EDIL3: variants seen among roughly 807,000 people sequenced by gnomAD.
The protein encoded by EDIL3 is EGF like and discoidin domains 3.
A neutral mutation model predicts 67.4 loss-of-function variants in EDIL3; 37 were observed. That is an observed-to-expected ratio of 0.55 (90% CI 0.42 to 0.72). The LOEUF (loss-of-function observed/expected upper bound fraction) is 0.72. Ranked by LOEUF, EDIL3 falls within the 30% of genes least tolerant of loss-of-function variation. EDIL3 has a pLI of 0.00. For synonymous variants in EDIL3, 195 were observed against 196.3 expected, an observed-to-expected ratio of 0.99 and a Z score of 0.05; for missense variants, 527 against 586.3, an observed-to-expected ratio of 0.90 and a Z score of 1.04.
Position 84,086,901 on chromosome 5 carries a change from C to G in EDIL3, c.651+19748G>C, listed in dbSNP as rs945275198. Among the ~76,000 whole-genome samples, 3 of 152,028 alleles carry G rather than the reference C, an allele frequency of 2.0e-5. No individual in the cohort carries two copies. The East Asian group carries it at 5.8e-4, about 29-fold the overall frequency. On this transcript the variant is annotated intron_variant, in intron 6 of 10. Coordinates refer to ENST00000296591, the MANE Select transcript of EDIL3 (RefSeq NM_005711.5). ...CTGATCCCACGGTCCAAGATGGCAG[C>G]CTCTGAGTTCCTGGAAGGATGGAGG...
At chr5:83,982,281 T>A (rs1168593284) in intron 9 of EDIL3, among the ~76,000 whole-genome samples, 2 of 152,132 alleles carry the variant, frequency 1.3e-5, no homozygotes, top group African/African-American at 4.8e-5. Flanking sequence ...TTGCTCTTAT[T>A]TTTCCATTAC....
At chr5:84,242,080 A>AG (rs1290570030) in intron 2 of EDIL3, among the ~76,000 whole-genome samples, 23 of 151,018 alleles carry the variant, frequency 1.5e-4, no homozygotes, top group African/African-American at 5.4e-4. Flanking sequence ...AAAAAAAAAA[A>AG]AATTAGCCAG....
At chr5:84,193,774 G>A (rs148457203) in intron 3 of EDIL3, among the ~76,000 whole-genome samples, 1 of 151,910 alleles carries the variant, frequency 6.6e-6, no homozygotes, top group African/African-American at 2.4e-5. Context: ...CATTTGGAAT[G>A]ATGTTATGCT....
Position 83,943,360 on chromosome 5 carries a change from C to G in EDIL3, c.*59G>C. ...AGTTTCCTACAGATTTTGCACAGTT[C>G]ATTCCATGGAGATACTTTTAGGGAA... On this transcript the variant is annotated 3_prime_UTR_variant, in exon 11 of 11. Transcript: ENST00000296591. 6.3e-7 allele frequency: 1 copy of G among 1,591,392 alleles called. No homozygotes were observed. The highest frequency in any genetic ancestry group is 2.3e-5 in the East Asian group (1 of 43,956).
At chr5:84,093,483 G>A (rs1747204447) in intron 6 of EDIL3, among the ~76,000 whole-genome samples, 1 of 152,090 alleles carries the variant, frequency 6.6e-6, no homozygotes, top group Non-Finnish European at 1.5e-5. Context: ...AGGGAATGAT[G>A]GGGCTGAATC....
intron 1 of EDIL3, among the ~76,000 whole-genome samples, chr5:84,262,308 A>G (rs556993801): frequency 1.7e-4 from 26 of 152,272 alleles, no homozygotes; most frequent in African/African-American, 5.8e-4. Flanking sequence ...ATTCAAGAAG[A>G]AGGAGAAAGG....
At chr5:83,991,481 T>G (rs1031717542) in intron 9 of EDIL3, among the ~76,000 whole-genome samples, 1 of 152,188 alleles carries the variant, frequency 6.6e-6, no homozygotes, top group Non-Finnish European at 1.5e-5. Context: ...ATCACACCTC[T>G]TACTTTCTCA....
chr5:84,191,419 G>T (rs1267532943), intron 3 of EDIL3, among the ~76,000 whole-genome samples: 1 of 152,076 alleles, frequency 6.6e-6, no homozygotes, highest in African/African-American at 2.4e-5. Context: ...AGACTTCACA[G>T]CTGAGAACAT....
intron 4 of EDIL3, among the ~76,000 whole-genome samples, chr5:84,159,258 C>A (rs551476117): frequency 6.6e-6 from 1 of 152,162 alleles, no homozygotes; most frequent in Non-Finnish European, 1.5e-5. Flanking sequence ...TAGGTCACTA[C>A]ATGAAAGCCA....
chr5:84,340,399 A>C (rs1326689059), intron 1 of EDIL3, among the ~76,000 whole-genome samples: 3 of 151,324 alleles, frequency 2.0e-5, no homozygotes, highest in Non-Finnish European at 2.9e-5. Flanking sequence ...TTTGGAGGAT[A>C]TGAGGTTTAA....
At chr5:84,255,913 A>C (rs1370607094) in intron 1 of EDIL3, among the ~76,000 whole-genome samples, 1 of 152,188 alleles carries the variant, frequency 6.6e-6, no homozygotes, top group Non-Finnish European at 1.5e-5. Flanking sequence ...AATATGTTAG[A>C]TCAGGGAGGA....
In EDIL3 at chr5:83,970,684, T is replaced by TATATATAG. The variant is rs1491469489; in HGVS notation, c.1138-7325_1138-7324insCTATATAT. Among the ~76,000 whole-genome samples, 9 of 131,498 alleles carry TATATATAG rather than the reference T, an allele frequency of 6.8e-5. 1 individual carries two copies. The highest frequency in any genetic ancestry group is 2.5e-4 in the African/African-American group (9 of 36,274). 86.3% of individuals were successfully genotyped at this position (131,498 alleles called of 152,430 possible). A position where few individuals can be genotyped will look rare whatever the true frequency, so the allele number is the denominator to read the frequency against. ...ATATATATATATATATATATATATA[T>TATATATAG]TTAAGAACATAATTTTTTCAACACT... On this transcript the variant is annotated intron_variant, in intron 9 of 10. Transcript: ENST00000296591.
chr5:84,315,531 T>C (rs558448012), intron 1 of EDIL3, among the ~76,000 whole-genome samples: 5 of 152,326 alleles, frequency 3.3e-5, no homozygotes, highest in African/African-American at 9.6e-5. Context: ...TTTTAGCGTA[T>C]CAGTGAAACT....
At chr5:84,068,173 TAG>T (rs1463999922) in intron 6 of EDIL3, among the ~76,000 whole-genome samples, 4 of 152,238 alleles carry the variant, frequency 2.6e-5, no homozygotes, top group Non-Finnish European at 5.9e-5. Context: ...TTCAGTATGT[TAG>T]GTCAATTAGC....
At chr5:84,192,674 T>C (rs907842133) in intron 3 of EDIL3, among the ~76,000 whole-genome samples, 3 of 152,058 alleles carry the variant, frequency 2.0e-5, no homozygotes, top group African/African-American at 7.2e-5. Flanking sequence ...AGAGCTTCTA[T>C]TGTGTTCCAC....
intron 3 of EDIL3, among the ~76,000 whole-genome samples, chr5:84,217,761 CACAT>C (rs1184330198): frequency 6.6e-4 from 99 of 150,290 alleles, no homozygotes; most frequent in African/African-American, 2.0e-3. Flanking sequence ...CACACACACA[CACAT>C]CCTTCTGGTT....
chr5:84,121,547 AT>A, intron 5 of EDIL3, among the ~76,000 whole-genome samples: 1 of 62,108 alleles, frequency 1.6e-5, no homozygotes, highest in South Asian at 5.8e-4. Flanking sequence ...CGATCTATCT[AT>A]CTATCTATCT....
chr5:84,247,087 A>C (rs1168453443), intron 2 of EDIL3, among the ~76,000 whole-genome samples: 1 of 152,140 alleles, frequency 6.6e-6, no homozygotes, highest in East Asian at 1.9e-4. Context: ...ATTTCTTAGC[A>C]ATCATCTATT....
At position 84,209,098 on chromosome 5, in the gene EDIL3, C is replaced by T. The variant is rs572365242; in HGVS notation, c.226+20757G>A. ...TAGGGACATGGATGAAATTGGAAAT[C>T]ATCATTCTCAGTAAACTATCGCAAG... On this transcript the variant is annotated intron_variant, in intron 3 of 10. Transcript: ENST00000296591. Among the ~76,000 whole-genome samples the T allele has an allele frequency of 3.3e-5, 5 of 152,074 alleles. No homozygotes were observed. The South Asian group carries it at 1.0e-3, about 32-fold the overall frequency.
Sources: allele counts gnomAD v4.1 joint callset (sites outside exome capture counted in the v4.1 genomes callset), GRCh38; gene constraint gnomAD v4.1.1; transcripts MANE v1.5; gene names NCBI Gene and HGNC (gene_info 2026-07-23, HGNC 2026-07-21).